The following PDE1A variants were observed in gnomAD, a reference collection of about 807,000 sequenced individuals.
PDE1A encodes the protein dual specificity calcium/calmodulin-dependent 3',5'-cyclic nucleotide phosphodiesterase 1A.
Under a neutral mutation model 61.7 loss-of-function variants are expected in PDE1A, and 35 were observed. The ratio of observed to expected loss-of-function variants is 0.57; its 90% CI spans 0.43 to 0.75. The LOEUF is 0.75. Ranked by LOEUF, PDE1A falls within the 30% of genes least tolerant of loss-of-function variation. The probability of loss-of-function intolerance (pLI) is 0.00; values close to 1 mark genes in which losing one functional copy is unlikely to be tolerated. For missense variants in PDE1A, 597 were observed against 630.6 expected, an observed-to-expected ratio of 0.95 and a Z score of 0.57; for synonymous variants, 232 against 213.2, an observed-to-expected ratio of 1.09 and a Z score of -0.77.
At chr2:182,663,717 A>T in the PDE1A span, among the ~76,000 whole-genome samples, 1 of 152,080 alleles carries the variant, frequency 6.6e-6, no homozygotes, top group East Asian at 1.9e-4. Flanking sequence ...AAAATAACTA[A>T]TGAGTACCAG....
chr2:182,410,913 T>C (rs1437984069), intron 1 of PDE1A, among the ~76,000 whole-genome samples: 1 of 152,256 alleles, frequency 6.6e-6, no homozygotes, highest in Non-Finnish European at 1.5e-5. Flanking sequence ...AGGTTTTCCC[T>C]GGAGCTTCAT....
intron 1 of PDE1A, among the ~76,000 whole-genome samples, chr2:182,267,417 T>G (rs1692707936): frequency 7.8e-6 from 1 of 128,738 alleles, no homozygotes; most frequent in African/African-American, 3.2e-5. Context: ...CCATATCCCC[T>G]CATGCACACA....
chr2:182,153,339 G>A (rs1310202259), intron 13 of PDE1A, among the ~76,000 whole-genome samples: 1 of 152,160 alleles, frequency 6.6e-6, no homozygotes, highest in Non-Finnish European at 1.5e-5. Flanking sequence ...TTAGTGAAGG[G>A]ATGAGGAGGT....
rs143047926 is a variant in PDE1A, at chr2:182,498,895, A to C, written c.101+23381T>G. Among the ~76,000 whole-genome samples the C allele has an allele frequency of 3.3e-3, 508 of 151,954 alleles. 6 individuals are homozygous for C. Among genetic ancestry groups the C allele is most frequent in the African/African-American group, 0.011 (474 of 41,510 alleles). ...GAAGGCGGAGTTCGCAGTGAGCGGA[A>C]ATGCGCCACTGCACTCCAGCCTGGG... On this transcript the variant is annotated intron_variant, in intron 2 of 14. Coordinates refer to the PDE1A transcript ENST00000410103.
At chr2:182,210,625 T>A (rs893293987) in intron 7 of PDE1A, among the ~76,000 whole-genome samples, 1 of 152,214 alleles carries the variant, frequency 6.6e-6, no homozygotes, top group Non-Finnish European at 1.5e-5. Flanking sequence ...CTTGATAGTG[T>A]CTTTGGTAGA....
chr2:182,427,119 A>T (rs559683022), upstream of PDE1A: 43 of 541,920 alleles, frequency 7.9e-5, no homozygotes, highest in African/African-American at 6.3e-4. Flanking sequence ...CAGCTGGTTC[A>T]GCAGCCCCAT....
chr2:182,374,141 A>T (rs962840829), intron 1 of PDE1A, among the ~76,000 whole-genome samples: 1 of 152,164 alleles, frequency 6.6e-6, no homozygotes, highest in Non-Finnish European at 1.5e-5. Context: ...TTTCTTTATA[A>T]CATATACTTA....
At chr2:182,222,914 T>C (rs1377247047) in intron 7 of PDE1A, among the ~76,000 whole-genome samples, 1 of 152,002 alleles carries the variant, frequency 6.6e-6, no homozygotes, top group African/African-American at 2.4e-5. Flanking sequence ...GACCAAATCC[T>C]GCTTCTCAGA....
intron 1 of PDE1A, among the ~76,000 whole-genome samples, chr2:182,314,853 T>C (rs1162053951): frequency 1.3e-5 from 2 of 152,134 alleles, no homozygotes; most frequent in Non-Finnish European, 2.9e-5. Context: ...TATGCCTCAA[T>C]AAAACCGTTT....
intron 7 of PDE1A, among the ~76,000 whole-genome samples, chr2:182,222,371 G>A (rs956900866): frequency 1.3e-5 from 2 of 151,960 alleles, no homozygotes; most frequent in African/African-American, 4.8e-5. Context: ...GAGACCAGTG[G>A]TTGCCAGGGG....
chr2:182,249,631 T>G (rs1315452720), intron 2 of PDE1A, among the ~76,000 whole-genome samples: 11 of 152,024 alleles, frequency 7.2e-5, no homozygotes, highest in Admixed American at 7.2e-4. Flanking sequence ...CTTGTTGGAG[T>G]AAGTGGTTTC....
intron 2 of PDE1A, among the ~76,000 whole-genome samples, chr2:182,481,386 G>A (rs950101351): frequency 1.7e-4 from 26 of 151,944 alleles, no homozygotes; most frequent in African/African-American, 6.3e-4. Context: ...TTCATATAGA[G>A]CTCACTAGCA....
intron 1 of PDE1A, among the ~76,000 whole-genome samples, chr2:182,335,973 T>G (rs1247598097): frequency 6.6e-6 from 1 of 152,054 alleles, no homozygotes; most frequent in Non-Finnish European, 1.5e-5. Context: ...GAACAGACAC[T>G]TATCAAAAGT....
At chr2:182,392,592 A>G (rs981911060) in intron 1 of PDE1A, among the ~76,000 whole-genome samples, 3 of 144,046 alleles carry the variant, frequency 2.1e-5, no homozygotes, top group African/African-American at 7.3e-5. Flanking sequence ...TCCACAGTCC[A>G]AAGTCTCATC....
upstream of PDE1A, among the ~76,000 whole-genome samples, chr2:182,524,442 A>G (rs1690733754): frequency 1.3e-5 from 2 of 152,168 alleles, no homozygotes; most frequent in South Asian, 2.1e-4. Flanking sequence ...CTACTTAAGT[A>G]TATGTCTAAG....
chr2:182,436,989 A>C (rs1193371491), intron 2 of PDE1A, among the ~76,000 whole-genome samples: 3 of 151,930 alleles, frequency 2.0e-5, no homozygotes, highest in Non-Finnish European at 2.9e-5. Context: ...ATTAAGTTGA[A>C]CCCTAGCAGG....
At chr2:182,275,203 G>C (rs1454114080) in intron 1 of PDE1A, among the ~76,000 whole-genome samples, 4 of 152,062 alleles carry the variant, frequency 2.6e-5, no homozygotes, top group African/African-American at 9.7e-5. Context: ...GCAGAAGAGA[G>C]AAACACCAGT....
the PDE1A span, among the ~76,000 whole-genome samples, chr2:182,690,155 A>C: frequency 4.6e-5 from 7 of 152,340 alleles, no homozygotes; most frequent in Admixed American, 2.6e-4. Flanking sequence ...ATAGAAAAAG[A>C]GGGAATCCTC....
chr2:182,633,217 G>A, the PDE1A span, among the ~76,000 whole-genome samples: 9 of 152,090 alleles, frequency 5.9e-5, no homozygotes, highest in Non-Finnish European at 1.3e-4. Flanking sequence ...CAGTTGCTCA[G>A]GTCAACAATA....
Sources: allele counts gnomAD v4.1 joint callset (sites outside exome capture counted in the v4.1 genomes callset), GRCh38; gene constraint gnomAD v4.1.1; transcripts MANE v1.5; gene names NCBI Gene and HGNC (gene_info 2026-07-23, HGNC 2026-07-21).